Variants in MRRF observed in about 807,000 individuals in gnomAD.
MRRF encodes ribosome-recycling factor, mitochondrial.
A neutral mutation model predicts 25.1 loss-of-function variants in MRRF; 18 were observed. That is an observed-to-expected ratio of 0.72 (90% CI 0.50 to 1.06). The LOEUF is 1.06. MRRF is among the 50% of genes least tolerant of loss of function. MRRF has a pLI of 0.00. For synonymous variants in MRRF, 113 were observed against 112.1 expected (o/e 1.01, Z -0.05); for missense variants, 323 against 319.3 (o/e 1.01, Z -0.09).
At chr9:122,316,174 A>G (rs1835504953) in intron 6 of MRRF, among the ~76,000 whole-genome samples, 1 of 151,942 alleles carries the variant, frequency 6.6e-6, no homozygotes, top group African/African-American at 2.4e-5. Flanking sequence ...TAAACATATT[A>G]TTATTTAAAT....
At chr9:122,296,947 C>T (rs1472583997) in intron 5 of MRRF, among the ~76,000 whole-genome samples, 2 of 152,190 alleles carry the variant, frequency 1.3e-5, no homozygotes, top group African/African-American at 4.8e-5. Flanking sequence ...ACCAAGTTTG[C>T]ATCTTTCCTT....
intron 5 of MRRF, among the ~76,000 whole-genome samples, chr9:122,296,140 GTTT>G (rs1206906809): frequency 6.7e-6 from 1 of 148,934 alleles, no homozygotes; most frequent in Admixed American, 6.7e-5. Flanking sequence ...CTGTTTGCGA[GTTT>G]TTTTTTTATC....
In MRRF at chr9:122,324,252, A is replaced by G. The variant is rs1219799970; in HGVS notation, c.*1635A>G. On this transcript the variant is annotated 3_prime_UTR_variant, in exon 7 of 7. Transcript: ENST00000344641. Reference sequence around the variant, plus strand: ...TAGAGTCCTTGATTTCCTTTGGTTCAGTTAATTTCCTAGGACAGCTCACAC... The same window carrying G: ...TAGAGTCCTTGATTTCCTTTGGTTCGGTTAATTTCCTAGGACAGCTCACAC... 1 of 152,210 alleles carries G rather than the reference A, an allele frequency of 6.6e-6. No individual in the cohort carries two copies. Among genetic ancestry groups the G allele is most frequent in the Non-Finnish European group, 1.5e-5 (1 of 68,040 alleles). The allele number at this position is 152,210 out of a possible 1,614,324, so 9.4% of individuals were successfully genotyped here.
At chr9:122,274,551 T>TGTGC (rs1316211930) in intron 2 of MRRF, among the ~76,000 whole-genome samples, 1 of 151,326 alleles carries the variant, frequency 6.6e-6, no homozygotes, top group African/African-American at 2.4e-5. Flanking sequence ...TGTGTGTGTG[T>TGTGC]GTGTGTGTGT....
At chr9:122,273,715 C>G (rs1368474669) in intron 2 of MRRF, among the ~76,000 whole-genome samples, 1 of 152,152 alleles carries the variant, frequency 6.6e-6, no homozygotes, top group East Asian at 1.9e-4. Flanking sequence ...TTGTTACTGT[C>G]TCACTGTAAG....
chr9:122,280,725 T>C, intron 3 of MRRF, 127 bp downstream of exon 3: 1 of 804,084 alleles, frequency 1.2e-6, no homozygotes, highest in South Asian at 1.5e-5. Context: ...TTTGCTTTTC[T>C]GGTCCTCGGT....
chr9:122,327,634 G>A lies in MRRF; in HGVS notation c.*5017G>A, dbSNP rs556610847. The A allele has an allele frequency of 6.6e-6, 1 of 152,128 alleles. No homozygotes were observed. The highest frequency in any genetic ancestry group is 1.5e-5 in the Non-Finnish European group (1 of 68,026). 9.4% of individuals were successfully genotyped at this position (152,128 alleles called of 1,614,324 possible). A position where few individuals can be genotyped will look rare whatever the true frequency, so the allele number is the denominator to read the frequency against. The stretch of plus-strand genomic sequence containing the variant: ...TCAGACCCCTGCTATTAACATTTCT[G>A]TTCCTTCTTGCATTTTCTGCTTTAT... On this transcript the variant is annotated 3_prime_UTR_variant, in exon 7 of 7. Coordinates refer to ENST00000344641, the MANE Select transcript of MRRF (RefSeq NM_138777.5).
chr9:122,303,520 C>T (rs1050617323), intron 5 of MRRF, among the ~76,000 whole-genome samples: 2 of 151,822 alleles, frequency 1.3e-5, no homozygotes, highest in African/African-American at 4.8e-5. Flanking sequence ...GCTGGGACTA[C>T]AGGCATGAGC....
At chr9:122,301,835 G>A (rs948807329) in intron 5 of MRRF, among the ~76,000 whole-genome samples, 2 of 151,686 alleles carry the variant, frequency 1.3e-5, no homozygotes, top group Non-Finnish European at 2.9e-5. Context: ...CCAGGTTCAA[G>A]TGATCCTCCT....
intron 2 of MRRF, among the ~76,000 whole-genome samples, chr9:122,272,267 CTACA>C (rs1832505249): frequency 6.6e-6 from 1 of 152,150 alleles, no homozygotes; most frequent in Non-Finnish European, 1.5e-5. Context: ...TTCCTGATGC[CTACA>C]GTACTGCAGT....
chr9:122,313,793 G>A lies in MRRF; in HGVS notation c.711+407G>A, dbSNP rs114246566. ...CTAATGCTCTCCTGTCTGGTTTTCC[G>A]GTTGCTGAGAATTGAGCACTTAGTG... On this transcript the variant is annotated intron_variant, in intron 6 of 6. Coordinates refer to ENST00000344641, the MANE Select transcript of MRRF (RefSeq NM_138777.5). Among the ~76,000 whole-genome samples, 177 of 152,238 alleles carry A rather than the reference G, an allele frequency of 1.2e-3. 1 individual carries two copies. The highest frequency in any genetic ancestry group is 3.9e-3 in the African/African-American group (162 of 41,534).
chr9:122,283,325 C>G (rs902809751), intron 3 of MRRF, among the ~76,000 whole-genome samples: 2 of 152,074 alleles, frequency 1.3e-5, no homozygotes, highest in African/African-American at 2.4e-5. Context: ...AAACTCCTGA[C>G]CTCGTGATCC....
chr9:122,294,817 ATAAAT>A (rs1324496651), intron 5 of MRRF, among the ~76,000 whole-genome samples: 1 of 152,168 alleles, frequency 6.6e-6, no homozygotes, highest in Non-Finnish European at 1.5e-5. Flanking sequence ...AATAGAGAAA[ATAAAT>A]TAAGTGGTAT....
At position 122,285,273 on chromosome 9, in the gene MRRF, G is replaced by T. The variant is rs771032402; in HGVS notation, c.445G>T (p.Ala149Ser). Residue 149 changes from alanine (A) to serine (S), a missense_variant, in exon 4 of 7, where the codon GCC (alanine) becomes TCC (serine). Physicochemically the swap from Ala to Ser is moderately conservative, Grantham distance 99 (BLOSUM62 1). Coordinates refer to ENST00000344641, the MANE Select transcript of MRRF (RefSeq NM_138777.5). ...KSPQLILVNM[A>S]SFPECTAAAI... ...GCCACAGCTGATTTTGGTGAATATGGCCAGCTTCCCAGAGGTAAGATGGCC... is the reference window on the plus strand; with the variant it reads ...GCCACAGCTGATTTTGGTGAATATGTCCAGCTTCCCAGAGGTAAGATGGCC... The T allele has an allele frequency of 6.2e-7, 1 of 1,609,492 alleles. No homozygotes were observed. Among genetic ancestry groups the T allele is most frequent in the Non-Finnish European group, 8.5e-7 (1 of 1,175,800 alleles).
chr9:122,286,734 A>AT (rs1833432929), intron 4 of MRRF, among the ~76,000 whole-genome samples: 1 of 152,128 alleles, frequency 6.6e-6, no homozygotes, highest in African/African-American at 2.4e-5. Flanking sequence ...AGGAAAAAAA[A>AT]ATATATGTAT....
intron 3 of MRRF, 92 bp downstream of exon 3, chr9:122,280,690 C>T: frequency 1.6e-6 from 2 of 1,270,420 alleles, no homozygotes; most frequent in Non-Finnish European, 2.3e-6. Context: ...TTGCCATTTA[C>T]TAACTGGTGG....
intron 4 of MRRF, chr9:122,286,021 T>A: frequency 1.5e-6 from 2 of 1,300,606 alleles, no homozygotes; most frequent in Non-Finnish European, 2.0e-6. Context: ...ATTGGGCTTT[T>A]TGTTATTGGT....
intron 2 of MRRF, among the ~76,000 whole-genome samples, chr9:122,273,529 T>G (rs1381584137): frequency 2.0e-5 from 3 of 152,148 alleles, no homozygotes; most frequent in African/African-American, 4.8e-5. Flanking sequence ...CTTTTTTTTT[T>G]GTCACTTTTA....
intron 5 of MRRF, among the ~76,000 whole-genome samples, chr9:122,299,657 G>C (rs2118868376): frequency 6.6e-6 from 1 of 152,198 alleles, no homozygotes; most frequent in Admixed American, 6.5e-5. Context: ...TCAAGGTTTG[G>C]GGATCAGAGA....
Sources: allele counts gnomAD v4.1 joint callset (sites outside exome capture counted in the v4.1 genomes callset), GRCh38; gene constraint gnomAD v4.1.1; transcripts MANE v1.5; gene names NCBI Gene and HGNC (gene_info 2026-07-23, HGNC 2026-07-21).